THNSL2: variants seen among roughly 807,000 people sequenced by gnomAD.
The protein encoded by THNSL2 is threonine synthase like 2.
Under a neutral mutation model 40.0 loss-of-function variants are expected in THNSL2, and 34 were observed. The observed-to-expected ratio is 0.85, with a 90% CI of 0.65 to 1.13. THNSL2 has a LOEUF of 1.13. Ranked by LOEUF, THNSL2 falls within the 50% of genes most tolerant of loss-of-function variation. The pLI is 0.00. For synonymous variants in THNSL2, 241 were observed against 247.5 expected (o/e 0.97, Z 0.25); for missense variants, 537 against 608.8 (o/e 0.88, Z 1.24).
At chr2:88,179,417 C>T (rs748692539) in intron 5 of THNSL2, among the ~76,000 whole-genome samples, 12 of 152,220 alleles carry the variant, frequency 7.9e-5, no homozygotes, top group Non-Finnish European at 1.5e-4. Flanking sequence ...CATTTGTTCC[C>T]ATTCCTGGAC....
intron 4 of THNSL2, chr2:88,175,715 A>G: frequency 3.5e-6 from 1 of 285,438 alleles, no homozygotes; most frequent in East Asian, 7.0e-5. Flanking sequence ...GTCAGCAACC[A>G]TGCAGAGTCA....
chr2:88,177,614 A>G (rs1421824851), intron 4 of THNSL2, among the ~76,000 whole-genome samples: 2 of 152,166 alleles, frequency 1.3e-5, no homozygotes, highest in Non-Finnish European at 2.9e-5. Flanking sequence ...GTGACTCACA[A>G]TGCTCTCAGG....
Position 88,182,802 on chromosome 2 carries a change from C to T in THNSL2, c.906C>T (p.Leu302=). The change falls in exon 6 of 9, where the codon CTC becomes CTT. Residue 302 remains leucine, a synonymous_variant. Transcript: ENST00000674334. ...HRTVQQGDFS[L]SEAVKSTLAS... is the part of the protein sequence containing the mutation. ...CTGTCCAGCAGGGAGACTTCTCTCT[C>T]TCTGAGGCTGTTAAATCAACCTTGG... is the stretch of plus-strand genomic sequence containing the variant. The T allele has an allele frequency of 1.2e-6, 2 of 1,614,172 alleles. No individual in the cohort carries two copies. The highest frequency in any genetic ancestry group is 1.7e-6 in the Non-Finnish European group (2 of 1,180,044).
intron 1 of THNSL2, among the ~76,000 whole-genome samples, chr2:88,171,032 A>G (rs78907779): frequency 0.025 from 3,832 of 152,222 alleles, 161 homozygotes; most frequent in African/African-American, 0.088. Flanking sequence ...TAGGGTCCAG[A>G]GGAGTGGCAA....
At chr2:88,175,646 A>G in intron 4 of THNSL2, 1 of 462,106 alleles carries the variant, frequency 2.2e-6, no homozygotes, top group Non-Finnish European at 3.8e-6. Flanking sequence ...GTATGGATTG[A>G]AAACCATACC....
At chr2:88,173,752 T>C (rs1378346086) in intron 2 of THNSL2, among the ~76,000 whole-genome samples, 1 of 152,226 alleles carries the variant, frequency 6.6e-6, no homozygotes, top group Non-Finnish European at 1.5e-5. Flanking sequence ...TTTTATTTTT[T>C]GAATGTTAAT....
Position 88,186,498 on chromosome 2 carries a change from T to C in THNSL2, c.*375T>C, listed in dbSNP as rs1678305071. 4.2e-6 allele frequency: 1 copy of C among 240,250 alleles called. No individual in the cohort carries two copies. Among genetic ancestry groups the C allele is most frequent in the South Asian group, 7.0e-5 (1 of 14,196 alleles). 14.9% of individuals were successfully genotyped at this position (240,250 alleles called of 1,614,324 possible). A position where few individuals can be genotyped will look rare whatever the true frequency, so the allele number is the denominator to read the frequency against. On this transcript the variant is annotated 3_prime_UTR_variant, in exon 9 of 9. Transcript: ENST00000674334. ...CAGCTCACCACCTTCACGCAGGCTTTGTATGTTCTCTGAGCCTTAGTTGAT... is the reference window on the plus strand; with the variant it reads ...CAGCTCACCACCTTCACGCAGGCTTCGTATGTTCTCTGAGCCTTAGTTGAT...
chr2:88,178,778 G>A lies in THNSL2; in HGVS notation c.572-5G>A. Reference sequence around the variant, plus strand: ...ACAGCTGCCCTCTTCTCTCCCCCCTGGCAGTGGAGGGAAACAGCGATGAGC... The same window carrying A: ...ACAGCTGCCCTCTTCTCTCCCCCCTAGCAGTGGAGGGAAACAGCGATGAGC... On this transcript the variant is annotated splice_polypyrimidine_tract_variant and splice_region_variant and intron_variant, in intron 4 of 8. Transcript: ENST00000674334. 6.2e-7 allele frequency: 1 copy of A among 1,614,020 alleles called. No homozygotes were observed. Among genetic ancestry groups the A allele is most frequent in the South Asian group, 1.1e-5 (1 of 91,072 alleles).
At position 88,173,390 on chromosome 2, in the gene THNSL2, GTACTTTCACTCTTCCA is replaced by G; in HGVS notation, c.223+18_223+33del. ...AATTAAATGGTGAGTGCTCCCACCT[GTACTTTCACTCTTCCA>G]GCCCCTGCCAGCTCAGTCTACAGAA... is the stretch of plus-strand genomic sequence containing the variant. On this transcript the variant is annotated intron_variant, in intron 2 of 8. Transcript: ENST00000674334. 2 of 1,562,506 alleles carry G rather than the reference GTACTTTCACTCTTCCA, an allele frequency of 1.3e-6. No homozygotes were observed. Among genetic ancestry groups the G allele is most frequent in the Non-Finnish European group, 1.7e-6 (2 of 1,150,448 alleles).
chr2:88,178,702 G>T, intron 4 of THNSL2, 81 bp from the exon 5 acceptor site: 1 of 1,483,092 alleles, frequency 6.7e-7, no homozygotes. Flanking sequence ...CAGCCTGGGA[G>T]GGCCCTGTCG....
Position 88,174,742 on chromosome 2 carries a change from A to G in THNSL2, c.327A>G (p.Thr109=). The G allele has an allele frequency of 6.2e-7, 1 of 1,614,194 alleles. No homozygotes were observed. Among genetic ancestry groups the G allele is most frequent in the Middle Eastern group, 1.6e-4 (1 of 6,062 alleles). ...LNVLELWHGV[T]YAFKDLSLSC... ...TGTTGGAGCTGTGGCATGGCGTCACATATGCATTTAAGGACCTGTCCCTGT... is the reference window on the plus strand; with the variant it reads ...TGTTGGAGCTGTGGCATGGCGTCACGTATGCATTTAAGGACCTGTCCCTGT... The change falls in exon 3 of 9, where the codon ACA becomes ACG. Residue 109 remains threonine (T), a synonymous_variant. Transcript: ENST00000674334.
intron 1 of THNSL2, chr2:88,172,920 G>A (rs1047215582): frequency 8.1e-6 from 3 of 371,844 alleles, no homozygotes; most frequent in African/African-American, 4.1e-5. Context: ...CAGGAGGTCA[G>A]TGGAATTGCC....
At chr2:88,185,258 G>C in intron 7 of THNSL2, 70 bp from the exon 8 acceptor site, 1 of 1,529,388 alleles carries the variant, frequency 6.5e-7, no homozygotes, top group East Asian at 2.3e-5. Context: ...CTGTGGTGGA[G>C]AGTGGGGTTT....
In THNSL2 at chr2:88,175,388, A is replaced by G. The variant is rs759587956; in HGVS notation, c.558A>G (p.Val186=). 11 of 1,614,146 alleles carry G rather than the reference A, an allele frequency of 6.8e-6. No individual in the cohort carries two copies. The highest frequency in any genetic ancestry group is 8.5e-6 in the Non-Finnish European group (10 of 1,180,020). ...LQMTTVLKQN[V]HVFGVEGNSD... Reference sequence around the variant, plus strand: ...TGACAACGGTGCTGAAGCAGAACGTACATGTGTTTGGAGGTGTGTGCTGAG... The same window carrying G: ...TGACAACGGTGCTGAAGCAGAACGTGCATGTGTTTGGAGGTGTGTGCTGAG... Residue 186 remains valine (V), a synonymous_variant, in exon 4 of 9, where the codon GTA becomes GTG. Coordinates refer to ENST00000674334, the MANE Select transcript of THNSL2 (RefSeq NM_018271.5).
rs763280892 is a variant in THNSL2 at position 88,174,777 on chromosome 2, C to T, written c.362C>T (p.Thr121Ile). 34 of 1,614,090 alleles carry T rather than the reference C, an allele frequency of 2.1e-5. No individual in the cohort carries two copies. The highest frequency in any genetic ancestry group is 2.9e-5 in the Non-Finnish European group (34 of 1,180,048). Residue 121 changes from threonine to isoleucine, a missense_variant, in exon 3 of 9, where the codon ACA becomes ATA. Transcript: ENST00000674334. ...AAGGACCTGTCCCTGTCCTGCACAACACAGTTCCTGCAGTACTTCCTGGAG... is the reference window on the plus strand; with the variant it reads ...AAGGACCTGTCCCTGTCCTGCACAATACAGTTCCTGCAGTACTTCCTGGAG... The part of the protein sequence containing the change: ...AFKDLSLSCT[T>I]QFLQYFLEKR...
chr2:88,170,828 C>G (rs1034941023), intron 1 of THNSL2, among the ~76,000 whole-genome samples: 42 of 147,572 alleles, frequency 2.8e-4, no homozygotes, highest in South Asian at 4.3e-4. Context: ...TCTGCCTCCA[C>G]CCCTAGGGGT....
intron 5 of THNSL2, among the ~76,000 whole-genome samples, chr2:88,179,591 G>A (rs1000041503): frequency 5.3e-5 from 8 of 152,180 alleles, no homozygotes; most frequent in South Asian, 2.1e-4. Context: ...GGACTGCCTC[G>A]ATGAGCGAAT....
At chr2:88,182,590 A>C in intron 5 of THNSL2, 109 bp from the exon 6 acceptor site, 2 of 1,291,008 alleles carry the variant, frequency 1.5e-6, no homozygotes, top group Non-Finnish European at 2.0e-6. Context: ...TAAAGCACAA[A>C]AGCTTCAAAA....
intron 3 of THNSL2, 59 bp from the exon 4 acceptor site, chr2:88,175,190 C>CT (rs1259327494): frequency 1.3e-6 from 2 of 1,560,272 alleles, no homozygotes; most frequent in Non-Finnish European, 1.7e-6. Flanking sequence ...GGGACCATTT[C>CT]TTTCCTCGTT....
Sources: gnomAD v4.1 joint callset for allele counts (sites outside exome capture counted in the v4.1 genomes callset) on GRCh38, gnomAD v4.1.1 for gene constraint, MANE v1.5 for transcripts, NCBI Gene and HGNC (gene_info 2026-07-23, HGNC 2026-07-21) for gene names.